CYREN: variants seen among roughly 807,000 people sequenced by gnomAD.
CYREN encodes the protein cell cycle regulator of non-homologous end joining.
A neutral mutation model predicts 9.7 loss-of-function variants in CYREN; 7 were observed. The ratio of observed to expected loss-of-function variants is 0.72; its 90% CI spans 0.41 to 1.36. The LOEUF (loss-of-function observed/expected upper bound fraction) is 1.36. Among genes scored for constraint, CYREN ranks in the 40% most tolerant of loss-of-function variants. The probability of loss-of-function intolerance (pLI) is 0.01; values close to 1 mark genes in which losing one functional copy is unlikely to be tolerated. For synonymous variants in CYREN, 76 were observed against 77.9 expected, an observed-to-expected ratio of 0.98 and a Z score of 0.13; for missense variants, 215 against 198.1, an observed-to-expected ratio of 1.09 and a Z score of -0.51.
intron 2 of CYREN, among the ~76,000 whole-genome samples, chr7:135,119,356 A>C (rs1826792801): frequency 6.7e-6 from 1 of 149,476 alleles, no homozygotes; most frequent in East Asian, 2.0e-4. Flanking sequence ...CAGCCTTCCG[A>C]GTAGCTGGGG....
chr7:135,137,881 G>A (rs570122791), intron 2 of CYREN, among the ~76,000 whole-genome samples: 12 of 152,072 alleles, frequency 7.9e-5, no homozygotes, highest in Admixed American at 1.3e-4. Context: ...TTGTATCCTC[G>A]CATGGTAGGG....
chr7:135,167,848 C>G lies in CYREN; in HGVS notation c.138-41G>C, dbSNP rs1425250627. The G allele has an allele frequency of 1.9e-6, 3 of 1,613,604 alleles. No individual in the cohort carries two copies. The African/African-American group carries it at 4.0e-5, about 21-fold the overall frequency. Reference sequence around the variant, plus strand: ...GCAAGGCACAGATGACACAGACTCTCAAGTCTCATAAGGGCAAAGAGAACA... The same window carrying G: ...GCAAGGCACAGATGACACAGACTCTGAAGTCTCATAAGGGCAAAGAGAACA... On this transcript the variant is annotated intron_variant, in intron 2 of 3. Transcript: ENST00000393114.
chr7:135,125,879 T>C, intron 2 of CYREN, among the ~76,000 whole-genome samples: 1 of 152,204 alleles, frequency 6.6e-6, no homozygotes, highest in East Asian at 1.9e-4. Context: ...AAACTAGGTA[T>C]TGATGGAACA....
intron 2 of CYREN, among the ~76,000 whole-genome samples, chr7:135,134,300 T>C (rs1352358448): frequency 2.0e-5 from 3 of 152,130 alleles, no homozygotes; most frequent in African/African-American, 7.2e-5. Context: ...ATTGAAAGTA[T>C]AGCTGAAATT....
At chr7:135,095,908 T>C (rs569789110) in intron 2 of CYREN, among the ~76,000 whole-genome samples, 1 of 152,264 alleles carries the variant, frequency 6.6e-6, no homozygotes, top group African/African-American at 2.4e-5. Context: ...TCCCAGCACT[T>C]TGGGAGGCTG....
rs752900315 is a variant in CYREN, at chr7:135,166,613, A to C, written c.472T>G (p.Ter158GluextTer64). 6.3e-7 allele frequency: 1 copy of C among 1,591,000 alleles called. No homozygotes were observed. The highest frequency in any genetic ancestry group is 1.7e-5 in the Admixed American group (1 of 59,624). ...CAGTTCAGTGCACAGTTTATGCCCT[A>C]GCTGAAAAAGATCTCCCGGACGTAT... ...LKYVREIFFS[*>E] Residue 158 changes from the stop codon to glutamate (E), a stop_lost, in exon 4 of 4, where the codon TAG (stop) becomes GAG (glutamate). Coordinates refer to ENST00000393114, the MANE Select transcript of CYREN (RefSeq NM_024033.4).
At chr7:135,126,693 G>C (rs770298709) in intron 2 of CYREN, among the ~76,000 whole-genome samples, 3 of 151,776 alleles carry the variant, frequency 2.0e-5, no homozygotes, top group Non-Finnish European at 4.4e-5. Context: ...GCAACAGAAC[G>C]GAGACCTCAG....
At chr7:135,101,800 C>T (rs1437371978) in intron 2 of CYREN, among the ~76,000 whole-genome samples, 6 of 152,124 alleles carry the variant, frequency 3.9e-5, no homozygotes, top group South Asian at 2.1e-4. Context: ...TTGCCTGTGT[C>T]CCCACCCAAA....
At chr7:135,117,423 G>T (rs1312894834) in intron 2 of CYREN, among the ~76,000 whole-genome samples, 1 of 152,136 alleles carries the variant, frequency 6.6e-6, no homozygotes, top group Non-Finnish European at 1.5e-5. Context: ...TGATAATTCT[G>T]CAAACTCTTA....
intron 2 of CYREN, among the ~76,000 whole-genome samples, chr7:135,105,184 C>G (rs1010257703): frequency 1.3e-5 from 2 of 150,996 alleles, no homozygotes; most frequent in Non-Finnish European, 2.9e-5. Context: ...ATTCTCTTGC[C>G]TCAGCCTCCC....
At chr7:135,096,795 A>G (rs367896189) in intron 2 of CYREN, among the ~76,000 whole-genome samples, 3 of 123,540 alleles carry the variant, frequency 2.4e-5, no homozygotes, top group South Asian at 2.6e-4. Flanking sequence ...AAGAAAGAAA[A>G]AGGGAAGAAG....
At chr7:135,106,520 G>T (rs1001990894) in intron 2 of CYREN, among the ~76,000 whole-genome samples, 1 of 152,190 alleles carries the variant, frequency 6.6e-6, no homozygotes, top group African/African-American at 2.4e-5. Context: ...CACATTTCTT[G>T]ATTTGCATAT....
At chr7:135,129,689 C>CT (rs1562906326) in intron 2 of CYREN, 1 of 774,156 alleles carries the variant, frequency 1.3e-6, no homozygotes, top group East Asian at 2.5e-5. Context: ...AGATTGAAGA[C>CT]TAGTTAACTA....
At chr7:135,156,356 C>T (rs1364212565) in intron 2 of CYREN, among the ~76,000 whole-genome samples, 3 of 152,114 alleles carry the variant, frequency 2.0e-5, no homozygotes, top group African/African-American at 7.2e-5. Flanking sequence ...AGTTCAGTTG[C>T]TTCTTGCAGT....
intron 2 of CYREN, among the ~76,000 whole-genome samples, chr7:135,099,639 A>C (rs908688155): frequency 6.6e-6 from 1 of 152,044 alleles, no homozygotes; most frequent in Non-Finnish European, 1.5e-5. Context: ...GTCTTATAAG[A>C]TTTTGATTTT....
chr7:135,141,133 T>C (rs1229894894), intron 2 of CYREN, among the ~76,000 whole-genome samples: 1 of 152,154 alleles, frequency 6.6e-6, no homozygotes, highest in African/African-American at 2.4e-5. Context: ...GTAGGTTTGC[T>C]ACCTGTTTTT....
downstream of CYREN, chr7:135,164,381 A>T: frequency 6.7e-7 from 1 of 1,494,528 alleles, no homozygotes; most frequent in Non-Finnish European, 9.2e-7. Flanking sequence ...GGAACAAGCA[A>T]GGGAGAGATG....
chr7:135,166,340 C>T lies in CYREN; in HGVS notation c.*271G>A. On this transcript the variant is annotated 3_prime_UTR_variant, in exon 4 of 4. Coordinates refer to ENST00000393114, the MANE Select transcript of CYREN (RefSeq NM_024033.4). Reference sequence around the variant, plus strand: ...AACACAGACAATTGGGACTCCAGAGCCTCAAGAGCCAGGAGAGGGCACAGT... The same window carrying T: ...AACACAGACAATTGGGACTCCAGAGTCTCAAGAGCCAGGAGAGGGCACAGT... 1 of 357,326 alleles carries T rather than the reference C, an allele frequency of 2.8e-6. No individual in the cohort carries two copies. The highest frequency in any genetic ancestry group is 5.0e-6 in the Non-Finnish European group (1 of 199,016). The allele number at this position is 357,326 out of a possible 1,614,324, so 22.1% of individuals were successfully genotyped here.
intron 2 of CYREN, 148 bp from the exon 3 acceptor site, chr7:135,167,955 G>A: frequency 7.3e-7 from 1 of 1,378,094 alleles, no homozygotes; most frequent in Non-Finnish European, 9.7e-7. Flanking sequence ...TTCTGACACG[G>A]ACACAATTTC....
Sources: allele counts gnomAD v4.1 joint callset (sites outside exome capture counted in the v4.1 genomes callset), GRCh38; gene constraint gnomAD v4.1.1; transcripts MANE v1.5; gene names NCBI Gene and HGNC (gene_info 2026-07-23, HGNC 2026-07-21).